MAPK10: variants seen among roughly 807,000 people sequenced by gnomAD.
MAPK10 encodes the protein JNK3 alpha protein kinase.
Under a neutral mutation model 59.3 loss-of-function variants are expected in MAPK10, and 25 were observed. The observed-to-expected ratio is 0.42, with a 90% CI of 0.31 to 0.59. MAPK10 has a LOEUF of 0.59. MAPK10 is among the 20% of genes least tolerant of loss of function. MAPK10 has a pLI of 0.15. For synonymous variants in MAPK10, 190 were observed against 200.5 expected (o/e 0.95, Z 0.44); for missense variants, 351 against 568.9 (o/e 0.62, Z 3.90).
chr4:86,380,071 A>C (rs970658742), intron 1 of MAPK10, among the ~76,000 whole-genome samples: 1 of 151,988 alleles, frequency 6.6e-6, no homozygotes, highest in African/African-American at 2.4e-5. Flanking sequence ...ACCCCCTCTA[A>C]AAAAATTAGC....
At chr4:86,542,780 C>T (rs72665744) in intron 1 of MAPK10, among the ~76,000 whole-genome samples, 32,824 of 152,112 alleles carry the variant, frequency 0.22, 4,474 homozygotes, top group Admixed American at 0.3. Flanking sequence ...ACAGACACTG[C>T]TTGCTTTGCT....
At chr4:86,443,200 C>A (rs1749616901) in intron 1 of MAPK10, among the ~76,000 whole-genome samples, 1 of 151,990 alleles carries the variant, frequency 6.6e-6, no homozygotes, top group South Asian at 2.1e-4. Flanking sequence ...CAATTTTTAC[C>A]TCCAGGAGCT....
At chr4:86,032,637 T>C (rs1414650947) in intron 11 of MAPK10, 1 of 152,180 alleles carries the variant, frequency 6.6e-6, no homozygotes, top group Admixed American at 6.5e-5. Context: ...TTTTGGCTCA[T>C]GAACAGCACC....
At chr4:86,452,092 G>C (rs955139053) in intron 1 of MAPK10, among the ~76,000 whole-genome samples, 2 of 152,162 alleles carry the variant, frequency 1.3e-5, no homozygotes, top group African/African-American at 4.8e-5. Flanking sequence ...TCAGAGTCAG[G>C]ATTTGAAACC....
intron 2 of MAPK10, among the ~76,000 whole-genome samples, chr4:86,215,965 TAAC>T (rs1158484335): frequency 2.0e-5 from 3 of 151,942 alleles, no homozygotes; most frequent in African/African-American, 7.2e-5. Context: ...CTACAGAAAA[TAAC>T]AAGCGTTGTT....
At chr4:86,164,178 C>G (rs948637114) in intron 3 of MAPK10, among the ~76,000 whole-genome samples, 1 of 152,094 alleles carries the variant, frequency 6.6e-6, no homozygotes, top group East Asian at 1.9e-4. Flanking sequence ...AGCTGTGAAA[C>G]CTTGGGCAAA....
intron 11 of MAPK10, among the ~76,000 whole-genome samples, chr4:86,063,140 G>T (rs2046046861): frequency 6.6e-6 from 1 of 152,072 alleles, no homozygotes; most frequent in African/African-American, 2.4e-5. Context: ...TTATGAAAAG[G>T]ACCTGTTTAA....
At chr4:86,336,232 A>T (rs1308584894) in intron 2 of MAPK10, 1 of 115,214 alleles carries the variant, frequency 8.7e-6, no homozygotes, top group East Asian at 2.8e-4. Flanking sequence ...GGGATAACAC[A>T]AAAATGTTTT....
chr4:86,454,971 T>C (rs1347299725), upstream of MAPK10, among the ~76,000 whole-genome samples: 4 of 152,202 alleles, frequency 2.6e-5, no homozygotes, highest in African/African-American at 7.2e-5. Context: ...ATTCGGACCC[T>C]ATCTTCAGCC....
chr4:86,344,677 A>G lies in MAPK10; in HGVS notation c.-7+9853T>C, dbSNP rs1578609533. Among the ~76,000 whole-genome samples, 3 of 152,038 alleles carry G rather than the reference A, an allele frequency of 2.0e-5. No individual in the cohort carries two copies. In the South Asian group the frequency reaches 6.2e-4, roughly 32 times the overall value. On this transcript the variant is annotated intron_variant, in intron 2 of 13. Transcript: ENST00000641462. The stretch of plus-strand genomic sequence containing the variant: ...GGGAATATGAGGGGAGGGAGGAAGG[A>G]ACTGTGTGATATTTAATCTTCCAAG...
chr4:86,546,701 T>A (rs947594191), intron 1 of MAPK10, among the ~76,000 whole-genome samples: 2 of 152,132 alleles, frequency 1.3e-5, no homozygotes, highest in Non-Finnish European at 2.9e-5. Flanking sequence ...TAAGACCAGA[T>A]TTGAATGGGT....
chr4:86,112,307 G>A (rs1313039890), intron 4 of MAPK10, among the ~76,000 whole-genome samples: 3 of 151,992 alleles, frequency 2.0e-5, no homozygotes, highest in Non-Finnish European at 4.4e-5. Flanking sequence ...TGTGATGTTA[G>A]GGTATCAATT....
At chr4:86,096,885 A>G (rs1020566196) in intron 9 of MAPK10, among the ~76,000 whole-genome samples, 4 of 152,004 alleles carry the variant, frequency 2.6e-5, no homozygotes, top group Admixed American at 6.6e-5. Context: ...GGAAAGGAAC[A>G]TGGAGCAAAC....
chr4:86,567,908 C>G (rs1367469486), intron 1 of MAPK10, among the ~76,000 whole-genome samples: 1 of 151,928 alleles, frequency 6.6e-6, no homozygotes, highest in Non-Finnish European at 1.5e-5. Context: ...GAAAGTAAAC[C>G]TTCGCAATAA....
chr4:86,066,486 G>A (rs774707701), intron 10 of MAPK10, among the ~76,000 whole-genome samples: 4 of 147,938 alleles, frequency 2.7e-5, no homozygotes, highest in South Asian at 2.2e-4. Flanking sequence ...GGGGTTAGCC[G>A]GGCGTGGTCG....
At position 86,075,348 on chromosome 4, in the gene MAPK10, C is replaced by T. The variant is rs1002432470; in HGVS notation, c.803-7393G>A. On this transcript the variant is annotated intron_variant, in intron 9 of 13. Coordinates refer to ENST00000641462, the MANE Select transcript of MAPK10 (RefSeq NM_138982.4). ...TTTGCCTTTGGTTTGAATGTCCTCC[C>T]GTAGCTCAGAGTAATTTGATCATCT... 8.6e-5 allele frequency among the ~76,000 whole-genome samples: 13 copies of T among 151,994 alleles called. No individual in the cohort carries two copies. In the East Asian group the frequency reaches 1.2e-3, roughly 14 times the overall value.
chr4:86,517,159 A>G (rs1183323919), intron 1 of MAPK10, among the ~76,000 whole-genome samples: 1 of 151,794 alleles, frequency 6.6e-6, no homozygotes, highest in South Asian at 2.1e-4. Context: ...TTCTGCATCT[A>G]TTAAGATAAT....
At chr4:86,287,856 C>T (rs1237193763) in intron 2 of MAPK10, among the ~76,000 whole-genome samples, 2 of 152,126 alleles carry the variant, frequency 1.3e-5, no homozygotes, top group African/African-American at 4.8e-5. Flanking sequence ...AAAAGTGTGA[C>T]TTACTGACTT....
chr4:86,265,821 A>G (rs1047232409), intron 2 of MAPK10, among the ~76,000 whole-genome samples: 1 of 152,144 alleles, frequency 6.6e-6, no homozygotes, highest in African/African-American at 2.4e-5. Context: ...TCCTGCCCAC[A>G]AGCAGTGCTA....
Sources: gnomAD v4.1 joint callset for allele counts (sites outside exome capture counted in the v4.1 genomes callset) on GRCh38, gnomAD v4.1.1 for gene constraint, MANE v1.5 for transcripts, NCBI Gene and HGNC (gene_info 2026-07-23, HGNC 2026-07-21) for gene names.